PRR16: variants seen among roughly 807,000 people sequenced by gnomAD.
PRR16 encodes protein Largen.
PRR16 carries 6 observed loss-of-function variants against 18.2 expected under a neutral mutation model. The observed-to-expected ratio is 0.33, with a 90% CI of 0.18 to 0.65. PRR16 has a LOEUF of 0.65. Among genes scored for constraint, PRR16 ranks in the 30% least tolerant of loss-of-function variants. The pLI is 0.74. For synonymous variants in PRR16, 151 were observed against 147.8 expected, an observed-to-expected ratio of 1.02 and a Z score of -0.16; for missense variants, 412 against 376.6, an observed-to-expected ratio of 1.09 and a Z score of -0.78.
intron 1 of PRR16, among the ~76,000 whole-genome samples, chr5:120,652,721 A>G (rs554094911): frequency 6.6e-6 from 1 of 152,152 alleles, no homozygotes; most frequent in African/African-American, 2.4e-5. Context: ...CATGATACAT[A>G]CAGTATCTTC....
chr5:120,668,811 T>C (rs1280018531), intron 1 of PRR16, among the ~76,000 whole-genome samples: 1 of 152,194 alleles, frequency 6.6e-6, no homozygotes, highest in Non-Finnish European at 1.5e-5. Flanking sequence ...GTAGAGTTTC[T>C]GCCGAGAGAT....
At chr5:120,634,830 G>T (rs1477697931) in intron 1 of PRR16, among the ~76,000 whole-genome samples, 7 of 151,972 alleles carry the variant, frequency 4.6e-5, no homozygotes, top group Non-Finnish European at 1.0e-4. Context: ...GAAACAAAAA[G>T]TTAGTTCTTT....
the PRR16 span, among the ~76,000 whole-genome samples, chr5:120,775,978 AG>A: frequency 6.6e-6 from 1 of 151,702 alleles, no homozygotes; most frequent in Admixed American, 6.6e-5. Flanking sequence ...CTTACTTTCC[AG>A]ATAAAAACAC....
the PRR16 span, among the ~76,000 whole-genome samples, chr5:120,697,583 T>G: frequency 3.3e-5 from 5 of 152,118 alleles, no homozygotes; most frequent in Non-Finnish European, 7.4e-5. Context: ...CAAACAGGCT[T>G]TGTGTGAGCA....
chr5:120,668,015 C>G (rs1290476639), intron 1 of PRR16, among the ~76,000 whole-genome samples: 1 of 152,004 alleles, frequency 6.6e-6, no homozygotes, highest in East Asian at 1.9e-4. Flanking sequence ...TCCTTGTTAA[C>G]TTTCTGTCTC....
intron 1 of PRR16, among the ~76,000 whole-genome samples, chr5:120,546,315 A>G (rs1225712304): frequency 1.3e-5 from 2 of 152,110 alleles, no homozygotes; most frequent in South Asian, 2.1e-4. Flanking sequence ...TACCTGGTGG[A>G]TTATGAAAAT....
chr5:120,487,703 A>G (rs962751310), intron 1 of PRR16, among the ~76,000 whole-genome samples: 17 of 152,182 alleles, frequency 1.1e-4, no homozygotes, highest in Non-Finnish European at 1.9e-4. Flanking sequence ...GAGTGGTGAG[A>G]GAGGGCATCC....
chr5:120,544,352 G>T (rs943565167), intron 1 of PRR16, among the ~76,000 whole-genome samples: 12 of 152,094 alleles, frequency 7.9e-5, no homozygotes, highest in Admixed American at 7.9e-4. Context: ...TCACTCTGTG[G>T]ACTAAATTAA....
chr5:120,508,970 G>T lies in PRR16; in HGVS notation c.159+44325G>T, dbSNP rs946544647. ...TAACTTTTAGTTGGGTGAGGGGGGG[G>T]ATAGTAAAGATAATTTGCTTAGTCA... On this transcript the variant is annotated intron_variant, in intron 1 of 1. Transcript: ENST00000407149. Among the ~76,000 whole-genome samples, 14 of 152,144 alleles carry T rather than the reference G, an allele frequency of 9.2e-5. No individual in the cohort carries two copies. In the East Asian group the frequency reaches 2.1e-3, roughly 23 times the overall value.
chr5:120,676,958 G>T (rs1756818490), intron 1 of PRR16, among the ~76,000 whole-genome samples: 2 of 152,120 alleles, frequency 1.3e-5, no homozygotes, highest in Admixed American at 1.3e-4. Context: ...ATACCAAAGA[G>T]AAGTTAACCA....
intron 1 of PRR16, among the ~76,000 whole-genome samples, chr5:120,502,958 A>G (rs1215509275): frequency 1.3e-5 from 2 of 152,204 alleles, no homozygotes; most frequent in East Asian, 1.9e-4. Flanking sequence ...CAGCAAACCT[A>G]GGACCTATTC....
At chr5:120,490,626 T>C (rs1450723614) in intron 1 of PRR16, among the ~76,000 whole-genome samples, 1 of 152,214 alleles carries the variant, frequency 6.6e-6, no homozygotes, top group Non-Finnish European at 1.5e-5. Flanking sequence ...AGTAGTTTGA[T>C]TGTCTGAAGC....
chr5:120,562,364 T>A (rs1718324870), intron 1 of PRR16, among the ~76,000 whole-genome samples: 1 of 152,156 alleles, frequency 6.6e-6, no homozygotes. Context: ...TCAGTCCATG[T>A]GTATTTTTAT....
the PRR16 span, among the ~76,000 whole-genome samples, chr5:120,785,575 G>GTTGTTTT: frequency 8.7e-6 from 1 of 115,392 alleles, no homozygotes; most frequent in African/African-American, 3.4e-5. Flanking sequence ...TGTTGTTGTT[G>GTTGTTTT]TTTTTTTTTT....
At chr5:120,532,050 C>T (rs1751568304) in intron 1 of PRR16, among the ~76,000 whole-genome samples, 1 of 152,040 alleles carries the variant, frequency 6.6e-6, no homozygotes, top group South Asian at 2.1e-4. Context: ...AAAAAGTTAG[C>T]ATGAGTTGCA....
intron 1 of PRR16, among the ~76,000 whole-genome samples, chr5:120,600,228 A>T (rs1224950317): frequency 6.6e-6 from 1 of 151,878 alleles, no homozygotes; most frequent in East Asian, 1.9e-4. Flanking sequence ...GGGTTGTACT[A>T]AGAGATGCCA....
At chr5:120,492,298 G>A (rs1196153206) in intron 1 of PRR16, among the ~76,000 whole-genome samples, 1 of 122,902 alleles carries the variant, frequency 8.1e-6, no homozygotes, top group Non-Finnish European at 1.8e-5. Flanking sequence ...GTGTGTGTGT[G>A]TGGAGAGACA....
At chr5:120,514,191 T>A (rs528677648) in intron 1 of PRR16, among the ~76,000 whole-genome samples, 1 of 152,332 alleles carries the variant, frequency 6.6e-6, no homozygotes, top group East Asian at 1.9e-4. Flanking sequence ...AATGATTTAC[T>A]GATTCTCTAT....
At chr5:120,793,714 CAG>C in the PRR16 span, among the ~76,000 whole-genome samples, 1 of 152,102 alleles carries the variant, frequency 6.6e-6, no homozygotes, top group Non-Finnish European at 1.5e-5. Context: ...GCAGAAATGA[CAG>C]AAGTATAGTC....
Sources: allele counts gnomAD v4.1 joint callset (sites outside exome capture counted in the v4.1 genomes callset), GRCh38; gene constraint gnomAD v4.1.1; transcripts MANE v1.5; gene names NCBI Gene and HGNC (gene_info 2026-07-23, HGNC 2026-07-21).